ACOXL: variants seen among roughly 807,000 people sequenced by gnomAD.
ACOXL encodes acyl-coenzyme A oxidase-like protein.
In ACOXL, 70 loss-of-function variants were observed where a neutral mutation model predicts 71.9. That is an observed-to-expected ratio of 0.97 (90% confidence interval 0.80 to 1.19). The LOEUF is 1.19. ACOXL is among the 50% of genes most tolerant of loss of function. The probability of loss-of-function intolerance (pLI) is 0.00; values close to 1 mark genes in which losing one functional copy is unlikely to be tolerated. For missense variants in ACOXL, 703 were observed against 736.3 expected (o/e 0.95, Z 0.52); for synonymous variants, 253 against 281.6 (o/e 0.90, Z 1.02).
intron 10 of ACOXL, among the ~76,000 whole-genome samples, chr2:110,879,716 T>C (rs1328611340): frequency 6.6e-6 from 1 of 152,038 alleles, no homozygotes; most frequent in South Asian, 2.1e-4. Flanking sequence ...ACTTAGGGCG[T>C]TTTTTTGCTC....
intron 11 of ACOXL, among the ~76,000 whole-genome samples, chr2:110,915,430 T>TC (rs1558722338): frequency 7.5e-6 from 1 of 133,486 alleles, no homozygotes; most frequent in East Asian, 2.0e-4. Context: ...ATATATATAT[T>TC]TTTTTTTTTT....
At chr2:111,068,402 G>C (rs932952954) in intron 16 of ACOXL, among the ~76,000 whole-genome samples, 2 of 152,192 alleles carry the variant, frequency 1.3e-5, no homozygotes, top group African/African-American at 4.8e-5. Flanking sequence ...TTAGCTGAAT[G>C]TTCTTAGATA....
intron 14 of ACOXL, among the ~76,000 whole-genome samples, chr2:111,025,183 G>T (rs1014024974): frequency 9.9e-5 from 15 of 152,110 alleles, no homozygotes; most frequent in African/African-American, 3.4e-4. Context: ...TTATTGTGAA[G>T]TGGTATTCGT....
intron 10 of ACOXL, among the ~76,000 whole-genome samples, chr2:110,862,316 T>C (rs1694048226): frequency 6.6e-6 from 1 of 152,096 alleles, no homozygotes; most frequent in South Asian, 2.1e-4. Context: ...GCCAGAGTTA[T>C]CAAGAGGGAG....
intron 9 of ACOXL, among the ~76,000 whole-genome samples, chr2:110,833,314 A>G (rs943984064): frequency 2.0e-5 from 3 of 152,244 alleles, no homozygotes; most frequent in South Asian, 2.1e-4. Flanking sequence ...AGAAAGTCCA[A>G]TCCTAAAGGT....
At chr2:110,873,358 C>T (rs563011944) in intron 10 of ACOXL, among the ~76,000 whole-genome samples, 1 of 152,016 alleles carries the variant, frequency 6.6e-6, no homozygotes, top group African/African-American at 2.4e-5. Flanking sequence ...CAGCTGGGGC[C>T]CAGTGTGGAC....
intron 15 of ACOXL, among the ~76,000 whole-genome samples, chr2:111,041,416 C>T (rs925444196): frequency 2.0e-5 from 3 of 152,080 alleles, no homozygotes; most frequent in East Asian, 1.9e-4. Flanking sequence ...ACTCTTGTTC[C>T]GCTGATGGGA....
At chr2:110,821,698 C>T (rs1353934804) in intron 9 of ACOXL, among the ~76,000 whole-genome samples, 2 of 152,216 alleles carry the variant, frequency 1.3e-5, no homozygotes, top group African/African-American at 2.4e-5. Flanking sequence ...GTTCCACCTC[C>T]TCAAGGGTGG....
chr2:110,744,850 G>A (rs1677999475), intron 1 of ACOXL, among the ~76,000 whole-genome samples: 1 of 152,202 alleles, frequency 6.6e-6, no homozygotes, highest in African/African-American at 2.4e-5. Context: ...GTTTGAGTAT[G>A]AAGCTAGCCC....
intron 12 of ACOXL, among the ~76,000 whole-genome samples, chr2:110,966,009 C>T (rs1480602282): frequency 6.6e-6 from 1 of 152,166 alleles, no homozygotes; most frequent in African/African-American, 2.4e-5. Context: ...GCTACACCAG[C>T]CAGACACAAC....
chr2:111,101,154 A>G (rs1378944071), intron 17 of ACOXL: 1 of 152,658 alleles, frequency 6.6e-6, no homozygotes, highest in African/African-American at 2.4e-5. Flanking sequence ...CTTTGAACGT[A>G]GAAGATGGAT....
intron 17 of ACOXL, chr2:111,093,402 C>A: frequency 6.3e-7 from 1 of 1,589,514 alleles, no homozygotes; most frequent in Non-Finnish European, 8.6e-7. Context: ...CCAGTATTCA[C>A]CACGAAAATG....
At chr2:110,905,963 C>T (rs1574067885) in intron 10 of ACOXL, among the ~76,000 whole-genome samples, 2 of 152,182 alleles carry the variant, frequency 1.3e-5, no homozygotes, top group East Asian at 3.9e-4. Context: ...TCACCCATCA[C>T]CCCAATTGTG....
At chr2:110,962,217 G>T (rs558879875) in intron 12 of ACOXL, among the ~76,000 whole-genome samples, 3 of 152,224 alleles carry the variant, frequency 2.0e-5, no homozygotes, top group Non-Finnish European at 2.9e-5. Context: ...AGCATAGAGG[G>T]CACTGTAGAA....
chr2:110,734,308 T>C (rs2104625089), intron 1 of ACOXL, among the ~76,000 whole-genome samples: 1 of 152,160 alleles, frequency 6.6e-6, no homozygotes, highest in South Asian at 2.1e-4. Context: ...CTGACTCTGT[T>C]GTCCAGGCTG....
intron 15 of ACOXL, among the ~76,000 whole-genome samples, chr2:111,039,100 G>T (rs890046786): frequency 3.3e-5 from 5 of 152,208 alleles, no homozygotes; most frequent in Non-Finnish European, 7.3e-5. Context: ...TTGGAGGGGA[G>T]ATCTTTAAGA....
At chr2:110,811,754 C>CACAG (rs1687356833) in intron 9 of ACOXL, among the ~76,000 whole-genome samples, 1 of 150,326 alleles carries the variant, frequency 6.7e-6, no homozygotes, top group Non-Finnish European at 1.5e-5. Flanking sequence ...CACACACACA[C>CACAG]ACACACACAC....
rs541174435 is a variant in ACOXL at position 110,881,288 on chromosome 2, C to A, written c.789-27501C>A. Among the ~76,000 whole-genome samples the A allele has an allele frequency of 6.7e-4, 102 of 152,064 alleles. 1 individual carries two copies. Among genetic ancestry groups the A allele is most frequent in the African/African-American group, 2.5e-3 (102 of 41,506 alleles). ...GACTCTTCCTGTAAAACATGAATTACTTCTCTCTTGAGGTTTTCTAGATTC... is the reference window on the plus strand; with the variant it reads ...GACTCTTCCTGTAAAACATGAATTAATTCTCTCTTGAGGTTTTCTAGATTC... On this transcript the variant is annotated intron_variant, in intron 10 of 17. Coordinates refer to ENST00000439055, the MANE Select transcript of ACOXL (RefSeq NM_001142807.4).
At chr2:111,048,843 C>T (rs2066148014) in intron 15 of ACOXL, among the ~76,000 whole-genome samples, 1 of 151,984 alleles carries the variant, frequency 6.6e-6, no homozygotes, top group South Asian at 2.1e-4. Flanking sequence ...TTTAAATTAG[C>T]ACTGTCAAAT....
Sources: gnomAD v4.1 joint callset for allele counts (sites outside exome capture counted in the v4.1 genomes callset) on GRCh38, gnomAD v4.1.1 for gene constraint, MANE v1.5 for transcripts, NCBI Gene and HGNC (gene_info 2026-07-23, HGNC 2026-07-21) for gene names.